Variants in NDUFAF2 observed in about 807,000 individuals in gnomAD.
NDUFAF2 encodes the protein NADH:ubiquinone oxidoreductase complex assembly factor 2.
A neutral mutation model predicts 22.8 loss-of-function variants in NDUFAF2; 13 were observed. The ratio of observed to expected loss-of-function variants is 0.57; its 90% CI spans 0.37 to 0.91. NDUFAF2 has a LOEUF of 0.91. Ranked by LOEUF, NDUFAF2 falls within the 40% of genes least tolerant of loss-of-function variation. The pLI, the probability that NDUFAF2 is intolerant of heterozygous loss-of-function variation, is 0.01. For missense variants in NDUFAF2, 162 were observed against 195.2 expected (o/e 0.83, Z 1.01); for synonymous variants, 53 against 64.2 (o/e 0.83, Z 0.84).
chr5:61,086,071 A>G (rs373092683), intron 2 of NDUFAF2, among the ~76,000 whole-genome samples: 3 of 152,144 alleles, frequency 2.0e-5, no homozygotes, highest in South Asian at 2.1e-4. Context: ...GTGAGCTGCA[A>G]TCATTCCACA....
chr5:60,965,194 A>G lies in NDUFAF2; in HGVS notation c.127+19812A>G, dbSNP rs577140838. Among the ~76,000 whole-genome samples, 7 of 152,290 alleles carry G rather than the reference A, an allele frequency of 4.6e-5. No individual in the cohort carries two copies. In the South Asian group the frequency reaches 1.4e-3, roughly 32 times the overall value. On this transcript the variant is annotated intron_variant, in intron 1 of 3. Transcript: ENST00000296597. ...CCTGAGCCCATACCTAAAGTAAATGATTTCAAATCTGACTTGACATAGCTG... is the reference window on the plus strand; with the variant it reads ...CCTGAGCCCATACCTAAAGTAAATGGTTTCAAATCTGACTTGACATAGCTG...
intron 1 of NDUFAF2, among the ~76,000 whole-genome samples, chr5:61,010,268 CA>C (rs1446781066): frequency 6.6e-6 from 1 of 152,084 alleles, no homozygotes; most frequent in African/African-American, 2.4e-5. Flanking sequence ...TCCTTAGGAT[CA>C]AGTCTAAGCT....
chr5:61,054,553 A>G (rs1016547469), intron 1 of NDUFAF2, among the ~76,000 whole-genome samples: 6 of 152,212 alleles, frequency 3.9e-5, no homozygotes, highest in African/African-American at 1.4e-4. Flanking sequence ...AAATCTCAGT[A>G]GCATTCAGTA....
At chr5:61,066,887 T>G (rs536947573) in intron 1 of NDUFAF2, among the ~76,000 whole-genome samples, 3 of 152,212 alleles carry the variant, frequency 2.0e-5, no homozygotes, top group African/African-American at 7.2e-5. Flanking sequence ...GAGGACTGAT[T>G]GTATACAGAG....
chr5:61,139,406 G>C (rs193014712), intron 3 of NDUFAF2, among the ~76,000 whole-genome samples: 1 of 152,316 alleles, frequency 6.6e-6, no homozygotes, highest in East Asian at 1.9e-4. Flanking sequence ...CTTTTGCACT[G>C]TCATAAGTTG....
chr5:60,990,081 T>C (rs1193302350), intron 1 of NDUFAF2, among the ~76,000 whole-genome samples: 1 of 152,184 alleles, frequency 6.6e-6, no homozygotes, highest in East Asian at 1.9e-4. Flanking sequence ...TTCTCACTTA[T>C]TTGTGGGAGC....
intron 1 of NDUFAF2, among the ~76,000 whole-genome samples, chr5:61,053,233 T>C (rs929490477): frequency 6.8e-4 from 103 of 152,220 alleles, no homozygotes; most frequent in African/African-American, 2.4e-3. Context: ...CACTGTTGCA[T>C]AAGAAACAAA....
Position 61,129,527 on chromosome 5 carries a change from C to G in NDUFAF2, c.259-23177C>G, listed in dbSNP as rs545702742. Among the ~76,000 whole-genome samples, 3 of 151,650 alleles carry G rather than the reference C, an allele frequency of 2.0e-5. No homozygotes were observed. In the South Asian group the frequency reaches 6.3e-4, roughly 32 times the overall value. ...TGAAACTGGAAGCCATCATTCTCAG[C>G]AAACTATTGCAAGGACAAAAAACCA... On this transcript the variant is annotated intron_variant, in intron 3 of 3. Coordinates refer to ENST00000296597, the MANE Select transcript of NDUFAF2 (RefSeq NM_174889.5).
At chr5:61,130,382 A>G (rs975105536) in intron 3 of NDUFAF2, among the ~76,000 whole-genome samples, 21 of 152,142 alleles carry the variant, frequency 1.4e-4, no homozygotes, top group Non-Finnish European at 2.8e-4. Context: ...GGAACAGTAG[A>G]TTTTGAAACC....
chr5:61,016,992 C>T lies in NDUFAF2; in HGVS notation c.128-56133C>T, dbSNP rs538178426. On this transcript the variant is annotated intron_variant, in intron 1 of 3. Transcript: ENST00000296597. ...ATTGGTTCCAGGCTTCACAAGGATTCCAAAATCTGAGGATGCTCAAGTCCC... is the reference window on the plus strand; with the variant it reads ...ATTGGTTCCAGGCTTCACAAGGATTTCAAAATCTGAGGATGCTCAAGTCCC... 2.6e-5 allele frequency among the ~76,000 whole-genome samples: 4 copies of T among 152,296 alleles called. No individual in the cohort carries two copies. The East Asian group carries it at 7.7e-4, about 29-fold the overall frequency.
At chr5:60,945,490 G>C in intron 1 of NDUFAF2, 108 bp downstream of exon 1, 1 of 1,484,564 alleles carries the variant, frequency 6.7e-7, no homozygotes, top group Admixed American at 1.7e-5. Flanking sequence ...GACACTTAGG[G>C]TGTCACCGGA....
intron 1 of NDUFAF2, among the ~76,000 whole-genome samples, chr5:60,963,366 A>G (rs1256036541): frequency 6.6e-6 from 1 of 152,190 alleles, no homozygotes; most frequent in Admixed American, 6.5e-5. Flanking sequence ...TTGGATGTAA[A>G]TAAGTCTGCA....
At chr5:61,114,081 G>A (rs1053548148) in intron 3 of NDUFAF2, among the ~76,000 whole-genome samples, 2 of 151,858 alleles carry the variant, frequency 1.3e-5, no homozygotes, top group African/African-American at 4.8e-5. Flanking sequence ...TTTGGGCTTG[G>A]GAAGTTCCTT....
intron 1 of NDUFAF2, among the ~76,000 whole-genome samples, chr5:61,037,731 A>G (rs1751817161): frequency 6.6e-6 from 1 of 152,174 alleles, no homozygotes; most frequent in South Asian, 2.1e-4. Flanking sequence ...GGTGAAAATC[A>G]TATGAAACTT....
rs1441007069 is a variant in NDUFAF2, at chr5:61,054,484, G to T, written c.128-18641G>T. On this transcript the variant is annotated intron_variant, in intron 1 of 3. Coordinates refer to ENST00000296597, the MANE Select transcript of NDUFAF2 (RefSeq NM_174889.5). Reference sequence around the variant, plus strand: ...CCTGGGCAGGTGATTTGTGAGACAGGAGTAGCTAACAGTGAGGAAAATGGT... The same window carrying T: ...CCTGGGCAGGTGATTTGTGAGACAGTAGTAGCTAACAGTGAGGAAAATGGT... Among the ~76,000 whole-genome samples the T allele has an allele frequency of 3.5e-4, 54 of 152,116 alleles. 1 individual carries two copies. Among genetic ancestry groups the T allele is most frequent in the Admixed American group, 3.5e-3 (54 of 15,268 alleles).
chr5:60,957,394 A>G (rs1231536599), intron 1 of NDUFAF2, among the ~76,000 whole-genome samples: 1 of 152,168 alleles, frequency 6.6e-6, no homozygotes, highest in Non-Finnish European at 1.5e-5. Context: ...CACCATCATC[A>G]TATATAGAAA....
chr5:60,986,330 A>C (rs1426643053), intron 1 of NDUFAF2, among the ~76,000 whole-genome samples: 1 of 152,178 alleles, frequency 6.6e-6, no homozygotes, highest in African/African-American at 2.4e-5. Flanking sequence ...AGTCAAAACT[A>C]TACAGTTATA....
At chr5:61,030,623 A>C (rs1381279288) in intron 1 of NDUFAF2, among the ~76,000 whole-genome samples, 1 of 151,918 alleles carries the variant, frequency 6.6e-6, no homozygotes, top group Non-Finnish European at 1.5e-5. Flanking sequence ...CTTTCTTAGC[A>C]TTTTAAAAGT....
At chr5:61,146,236 A>G (rs1208284680) in intron 3 of NDUFAF2, 6 of 152,200 alleles carry the variant, frequency 3.9e-5, no homozygotes, top group East Asian at 1.9e-4. Flanking sequence ...GGTATTTTCA[A>G]TGGACAGTGT....
Sources: gnomAD v4.1 joint callset for allele counts (sites outside exome capture counted in the v4.1 genomes callset) on GRCh38, gnomAD v4.1.1 for gene constraint, MANE v1.5 for transcripts, NCBI Gene and HGNC (gene_info 2026-07-23, HGNC 2026-07-21) for gene names.